Variants in PEBP4 observed in about 807,000 individuals in gnomAD.
PEBP4 encodes the protein phosphatidylethanolamine-binding protein 4.
Under a neutral mutation model 23.9 loss-of-function variants are expected in PEBP4, and 22 were observed. The observed-to-expected ratio is 0.92, with a 90% CI of 0.66 to 1.31. The LOEUF is 1.31. Among genes scored for constraint, PEBP4 ranks in the 40% most tolerant of loss-of-function variants. The pLI is 0.00. For synonymous variants in PEBP4, 112 were observed against 99.3 expected, an observed-to-expected ratio of 1.13 and a Z score of -0.76; for missense variants, 324 against 281.7, an observed-to-expected ratio of 1.15 and a Z score of -1.07.
At chr8:22,720,223 C>A (rs922508415) in intron 6 of PEBP4, among the ~76,000 whole-genome samples, 12 of 152,194 alleles carry the variant, frequency 7.9e-5, no homozygotes, top group African/African-American at 2.9e-4. Flanking sequence ...TGGGGAGGCA[C>A]AACAAATGCT....
intron 4 of PEBP4, among the ~76,000 whole-genome samples, chr8:22,749,011 G>A (rs1447565869): frequency 6.6e-6 from 1 of 152,126 alleles, no homozygotes; most frequent in Non-Finnish European, 1.5e-5. Context: ...TTCCACTGCT[G>A]GGACTGGGGA....
intron 3 of PEBP4, among the ~76,000 whole-genome samples, chr8:22,823,998 A>T (rs1158084935): frequency 6.6e-6 from 1 of 152,190 alleles, no homozygotes; most frequent in African/African-American, 2.4e-5. Flanking sequence ...GTATGTAGAA[A>T]CAATGGGTAG....
Position 22,854,145 on chromosome 8 carries a change from C to A in PEBP4, c.259-36410G>T, listed in dbSNP as rs141334510. ...TGCTAGAGGACTGGATATGGCCCTA[C>A]CCTTCAGGAATCGACTGAGTTACAA... On this transcript the variant is annotated intron_variant, in intron 3 of 6. Coordinates refer to ENST00000256404, the MANE Select transcript of PEBP4 (RefSeq NM_144962.3). Among the ~76,000 whole-genome samples the A allele has an allele frequency of 2.6e-5, 4 of 152,330 alleles. No homozygotes were observed. The East Asian group carries it at 5.8e-4, about 22-fold the overall frequency.
chr8:22,715,069 G>A (rs952700595), intron 6 of PEBP4, among the ~76,000 whole-genome samples: 1 of 152,244 alleles, frequency 6.6e-6, no homozygotes, highest in African/African-American at 2.4e-5. Context: ...GTACTGGCAA[G>A]GAAGCTTCGT....
intron 3 of PEBP4, among the ~76,000 whole-genome samples, chr8:22,881,790 A>C (rs1808263454): frequency 1.3e-5 from 2 of 152,204 alleles, no homozygotes; most frequent in African/African-American, 4.8e-5. Flanking sequence ...GAAACTGTGG[A>C]GTGGGAGGCC....
chr8:22,917,984 C>T (rs1252754861), intron 3 of PEBP4, among the ~76,000 whole-genome samples: 5 of 152,246 alleles, frequency 3.3e-5, no homozygotes, highest in South Asian at 2.1e-4. Flanking sequence ...GATCCAGCCT[C>T]GCCTGAAGTT....
rs781711669 is a variant in PEBP4 at position 22,713,506 on chromosome 8, C to A, written c.548G>T (p.Arg183Leu). The change falls in exon 7 of 7, where the codon CGT (arginine) becomes CTT (leucine). Residue 183 changes from arginine (R) to leucine (L), a missense_variant. Transcript: ENST00000256404. The part of the protein sequence containing the change: ...GSWKMDRFLN[R>L]FHLGEPEAST... Reference sequence around the variant, plus strand: ...TGCTTCAGGTTCGCCCAGGTGGAAACGGTTCAGAAATCTGTCCATTTTCCA... The same window carrying A: ...TGCTTCAGGTTCGCCCAGGTGGAAAAGGTTCAGAAATCTGTCCATTTTCCA... The A allele has an allele frequency of 3.1e-6, 5 of 1,613,986 alleles. No homozygotes were observed. Among genetic ancestry groups the A allele is most frequent in the Non-Finnish European group, 4.2e-6 (5 of 1,180,018 alleles).
chr8:22,931,296 G>A (rs757795640), upstream of PEBP4, among the ~76,000 whole-genome samples: 5 of 151,976 alleles, frequency 3.3e-5, no homozygotes, highest in Non-Finnish European at 7.4e-5. Context: ...GTGAGTTTTC[G>A]TATGTTCACA....
chr8:22,879,436 A>C (rs926378617), intron 3 of PEBP4: 3 of 152,236 alleles, frequency 2.0e-5, no homozygotes, highest in Admixed American at 2.0e-4. Flanking sequence ...ATTTCAAGCC[A>C]GTGGGGAGAG....
chr8:22,899,998 G>T (rs1808679949), intron 3 of PEBP4, among the ~76,000 whole-genome samples: 1 of 152,130 alleles, frequency 6.6e-6, no homozygotes. Flanking sequence ...GACCTGGCTT[G>T]CGGTTTGGGC....
rs375401754 is a variant in PEBP4 at position 22,724,923 on chromosome 8, C to T, written c.437G>A (p.Gly146Asp). 2 of 1,614,098 alleles carry T rather than the reference C, an allele frequency of 1.2e-6. No individual in the cohort carries two copies. The highest frequency in any genetic ancestry group is 2.2e-5 in the South Asian group (2 of 91,078). Residue 146 changes from glycine (G) to aspartate (D), a missense_variant, in exon 6 of 7, where the codon GGC becomes GAC. Coordinates refer to ENST00000256404, the MANE Select transcript of PEBP4 (RefSeq NM_144962.3). ...YQAPSPPAHSGFHRYQFFVYL... is the reference protein window; with the variant it reads ...YQAPSPPAHSDFHRYQFFVYL... The stretch of plus-strand genomic sequence containing the variant: ...GACAAAGAACTGGTAGCGATGGAAG[C>T]CACTGTGTGCCGGTGGGGAGGGAGC...
chr8:22,920,353 G>T (rs754677651), intron 2 of PEBP4, 43 bp from the exon 3 acceptor site: 16 of 1,584,946 alleles, frequency 1.0e-5, no homozygotes, highest in Non-Finnish European at 1.4e-5. Flanking sequence ...AGGGTTTTAA[G>T]GGAGCCTGGG....
rs1025721148 is a variant in PEBP4, at chr8:22,864,310, T to C, written c.259-46575A>G. ...TGAGAGTTCTGTGCCCTTATAACAT[T>C]CTCGGCAGAAACAGCTCTGTGAGGC... On this transcript the variant is annotated intron_variant, in intron 3 of 6. Coordinates refer to ENST00000256404, the MANE Select transcript of PEBP4 (RefSeq NM_144962.3). Among the ~76,000 whole-genome samples, 13 of 152,122 alleles carry C rather than the reference T, an allele frequency of 8.5e-5. 1 individual carries two copies.
At chr8:22,864,784 A>G (rs1313851136) in intron 3 of PEBP4, among the ~76,000 whole-genome samples, 1 of 152,250 alleles carries the variant, frequency 6.6e-6, no homozygotes, top group Admixed American at 6.5e-5. Flanking sequence ...AGGTGGAAGT[A>G]GCTGACCAAG....
intron 2 of PEBP4, among the ~76,000 whole-genome samples, chr8:22,926,132 T>A (rs529261615): frequency 6.6e-6 from 1 of 152,004 alleles, no homozygotes; most frequent in South Asian, 2.1e-4. Context: ...TGCGCCACCA[T>A]GCCCGGCTAA....
At chr8:22,851,883 C>T (rs1390037073) in intron 3 of PEBP4, among the ~76,000 whole-genome samples, 1 of 152,054 alleles carries the variant, frequency 6.6e-6, no homozygotes, top group Non-Finnish European at 1.5e-5. Flanking sequence ...CAGCCCAAGG[C>T]CCTGATCATT....
At chr8:22,768,952 C>T (rs1805663105) in intron 4 of PEBP4, among the ~76,000 whole-genome samples, 1 of 152,180 alleles carries the variant, frequency 6.6e-6, no homozygotes, top group Non-Finnish European at 1.5e-5. Flanking sequence ...CTGCAGAACT[C>T]AGTCACACTA....
At chr8:22,806,213 C>T (rs1232268374) in intron 4 of PEBP4, among the ~76,000 whole-genome samples, 1 of 152,156 alleles carries the variant, frequency 6.6e-6, no homozygotes, top group African/African-American at 2.4e-5. Context: ...TTTCTCAATG[C>T]AGGCACATCC....
chr8:22,793,214 T>A (rs10113106), intron 4 of PEBP4, among the ~76,000 whole-genome samples: 55,744 of 151,742 alleles, frequency 0.37, 10,413 homozygotes, highest in Middle Eastern at 0.45. Context: ...AATGGCACAA[T>A]TATTTTACTC....
Sources: gnomAD v4.1 joint callset for allele counts (sites outside exome capture counted in the v4.1 genomes callset) on GRCh38, gnomAD v4.1.1 for gene constraint, MANE v1.5 for transcripts, NCBI Gene and HGNC (gene_info 2026-07-23, HGNC 2026-07-21) for gene names.